HUWE1: variants seen among roughly 807,000 people sequenced by gnomAD.
HUWE1 encodes the protein E3 ubiquitin-protein ligase HUWE1.
In HUWE1, 18 loss-of-function variants were observed where a neutral mutation model predicts 299.4. That is an observed-to-expected ratio of 0.06 (90% CI 0.04 to 0.09). The LOEUF (loss-of-function observed/expected upper bound fraction) is 0.09. Ranked by LOEUF, HUWE1 falls within the 10% of genes least tolerant of loss-of-function variation. The probability of loss-of-function intolerance (pLI) is 1.00; values close to 1 mark genes in which losing one functional copy is unlikely to be tolerated. For missense variants in HUWE1, 1,832 were observed against 3,462.3 expected (o/e 0.53, Z 11.82); for synonymous variants, 1,317 against 1,286.1 (o/e 1.02, Z -0.51).
intron 3 of HUWE1, among the ~76,000 whole-genome samples, chrX:53,656,483 A>G (rs948022932): frequency 4.7e-4 from 47 of 100,948 alleles, no homozygotes; most frequent in Non-Finnish European, 8.1e-4. Context: ...CAGAGCTTGC[A>G]GTGAGCCGAG....
intron 19 of HUWE1, among the ~76,000 whole-genome samples, chrX:53,623,643 A>T (rs2066290338): frequency 8.9e-6 from 1 of 112,023 alleles, no homozygotes; most frequent in Non-Finnish European, 1.9e-5. Flanking sequence ...TAATGTCATA[A>T]GACAAAAAAA....
chrX:53,677,771 T>TC (rs1557051684), intron 3 of HUWE1, among the ~76,000 whole-genome samples: 2 of 111,434 alleles, frequency 1.8e-5, no homozygotes, highest in East Asian at 2.8e-4. Flanking sequence ...GGCAATTATC[T>TC]CTGATATCTA....
rs1557008555 is a variant in HUWE1, at chrX:53,617,461, G to C, written c.1673-15C>G. ...CACTTCAGTAGCTAAAAAAAGATGA[G>C]AAAATATGGAAAACTGAGAGATTCC... On this transcript the variant is annotated splice_polypyrimidine_tract_variant and intron_variant, in intron 19 of 83. Coordinates refer to ENST00000262854, the MANE Select transcript of HUWE1 (RefSeq NM_031407.7). 9.9e-7 allele frequency: 1 copy of C among 1,006,677 alleles called. No individual in the cohort carries two copies. Among genetic ancestry groups the C allele is most frequent in the Admixed American group, 2.4e-5 (1 of 42,482 alleles). 83.0% of individuals were successfully genotyped at this position (1,006,677 alleles called of 1,213,427 possible). A position where few individuals can be genotyped will look rare whatever the true frequency, so the allele number is the denominator to read the frequency against.
At chrX:53,535,229 C>T (rs782098504) in intron 81 of HUWE1, among the ~76,000 whole-genome samples, 155 bp downstream of exon 81, 1 of 112,118 alleles carries the variant, frequency 8.9e-6, no homozygotes, top group South Asian at 3.7e-4. Flanking sequence ...GCCACCGTGC[C>T]CAAAGTTAAG....
In HUWE1 at chrX:53,580,915, C is replaced by A. The variant is rs782751503; in HGVS notation, c.5632G>T (p.Ala1878Ser). Residue 1878 changes from alanine to serine, a missense_variant, in exon 43 of 84, where the codon GCA (alanine) becomes TCA (serine). Ala to Ser is a moderately conservative substitution (Grantham distance 99). Around this residue, in one of 15 missense-constraint regions of HUWE1, gnomAD observed 50 missense variants for 114.9 expected, o/e 0.44. Coordinates refer to ENST00000262854, the MANE Select transcript of HUWE1 (RefSeq NM_031407.7). ...GTGAATATGTCTGGATTGCGGCATG[C>A]GGCTGGCCCAAGGACACGAAGGATG... is the stretch of plus-strand genomic sequence containing the variant. ...NYILRVLGPA[A>S]CRNPDIFTEV... 1.7e-6 allele frequency: 2 copies of A among 1,211,081 alleles called. No individual in the cohort carries two copies. Among genetic ancestry groups the A allele is most frequent in the Non-Finnish European group, 2.2e-6 (2 of 895,075 alleles).
intron 80 of HUWE1, chrX:53,535,875 T>C (rs2061024452): frequency 2.6e-6 from 1 of 381,443 alleles, no homozygotes; most frequent in Non-Finnish European, 4.5e-6. Context: ...ATTTGTACGA[T>C]TTTTCTACAA....
At chrX:53,680,767 C>T (rs2070090445) in intron 2 of HUWE1, 1 of 112,208 alleles carries the variant, frequency 8.9e-6, no homozygotes, top group Admixed American at 9.4e-5. Flanking sequence ...CAATAAGGGT[C>T]AAATTGAAAT....
intron 3 of HUWE1, among the ~76,000 whole-genome samples, chrX:53,674,555 TG>T (rs1474511021): frequency 7.1e-5 from 8 of 112,372 alleles, no homozygotes; most frequent in African/African-American, 2.3e-4. Context: ...TTGATTCATT[TG>T]GGGTACGTTT....
At chrX:53,541,599 A>AC (rs1245903255) in intron 74 of HUWE1, among the ~76,000 whole-genome samples, 2 of 111,623 alleles carry the variant, frequency 1.8e-5, no homozygotes, top group East Asian at 5.6e-4. Context: ...GTGTCAAAAA[A>AC]CAAAAAAGAA....
Position 53,536,097 on chromosome X carries a change from G to C in HUWE1, c.12531+50C>G, listed in dbSNP as rs782606084. The C allele has an allele frequency of 2.7e-5, 22 of 801,946 alleles. No individual in the cohort carries two copies. In the Middle Eastern group the frequency reaches 1.2e-3, roughly 44 times the overall value. The allele number at this position is 801,946 out of a possible 1,213,427, so 66.1% of individuals were successfully genotyped here. A position where few individuals can be genotyped will look rare whatever the true frequency, so the allele number is the denominator to read the frequency against. Reference sequence around the variant, plus strand: ...CTAGTTCTAAGGTGAACCTGGAATGGATCTTCCAGATTGGCTGGGATGTGC... The same window carrying C: ...CTAGTTCTAAGGTGAACCTGGAATGCATCTTCCAGATTGGCTGGGATGTGC... On this transcript the variant is annotated intron_variant, in intron 80 of 83. Coordinates refer to ENST00000262854, the MANE Select transcript of HUWE1 (RefSeq NM_031407.7).
chrX:53,621,512 G>T (rs2066143953), intron 19 of HUWE1, among the ~76,000 whole-genome samples: 1 of 107,034 alleles, frequency 9.3e-6, no homozygotes, highest in Admixed American at 1.0e-4. Context: ...CCTAGATGAT[G>T]ATTTCAGTAC....
At chrX:53,627,917 A>G in intron 15 of HUWE1, 38 bp from the exon 16 acceptor site, 1 of 1,174,588 alleles carries the variant, frequency 8.5e-7, no homozygotes. Flanking sequence ...AATGAACTAT[A>G]AAGACACAAA....
In HUWE1 at chrX:53,536,466, A is replaced by G. The variant is rs781909094; in HGVS notation, c.12339T>C (p.Ile4113=). The G allele has an allele frequency of 3.4e-5, 41 of 1,208,722 alleles. No homozygotes were observed. Among genetic ancestry groups the G allele is most frequent in the Non-Finnish European group, 4.0e-5 (36 of 894,596 alleles). The stretch of plus-strand genomic sequence containing the variant: ...GGTTGTCATATACAGCTTTGGCCAC[A>G]ATGCGTCCGACAAACTTGAAGTAGC... ...HLSYFKFVGR[I]VAKAVYDNRL... is the part of the protein sequence containing the mutation. Residue 4113 remains isoleucine, a synonymous_variant, in exon 79 of 84, where the codon ATT becomes ATC. Transcript: ENST00000262854.
chrX:53,670,153 C>T (rs1557048850), intron 3 of HUWE1, among the ~76,000 whole-genome samples: 2 of 111,607 alleles, frequency 1.8e-5, no homozygotes, highest in Non-Finnish European at 3.8e-5. Context: ...GTAGTAACTA[C>T]GGTTAAAAGG....
rs2064938536 is a variant in HUWE1 at position 53,602,777 on chromosome X, C to A, written c.2877-119G>T. ...CTGACACTATCCCTCCTATAGCAGG[C>A]AGGTTAAACTGAATGTAATAAAGCA... is the stretch of plus-strand genomic sequence containing the variant. On this transcript the variant is annotated intron_variant, in intron 27 of 83. Transcript: ENST00000262854. The A allele has an allele frequency of 1.2e-5, 5 of 405,724 alleles. No homozygotes were observed. The South Asian group carries it at 1.8e-4, about 15-fold the overall frequency. 33.4% of individuals were successfully genotyped at this position (405,724 alleles called of 1,213,427 possible).
rs34675759 is a variant in HUWE1, at chrX:53,535,922, G to GT, written c.12531+224dup. On this transcript the variant is annotated intron_variant, in intron 80 of 83. Transcript: ENST00000262854. ...TGGGAATGAGGAATTATGTACTGGA[G>GT]TTTTTTTTTTTTTTTTTTTTTAATA... 0.28 allele frequency: 42,414 copies of GT among 153,517 alleles called. 5,457 individuals are homozygous for GT. The highest frequency in any genetic ancestry group is 0.32 in the Admixed American group (3,302 of 10,243). 12.7% of individuals were successfully genotyped at this position (153,517 alleles called of 1,213,427 possible).
chrX:53,562,136 T>A lies in HUWE1; in HGVS notation c.7313A>T (p.Glu2438Val). 8.3e-7 allele frequency: 1 copy of A among 1,198,574 alleles called. No homozygotes were observed. The highest frequency in any genetic ancestry group is 1.1e-6 in the Non-Finnish European group (1 of 883,820). Residue 2438 changes from glutamate (E) to valine (V), a missense_variant, in exon 54 of 84, where the codon GAG becomes GTG. Physicochemically the swap from Glu to Val is moderately radical, Grantham distance 121. Around this residue, in one of 15 missense-constraint regions of HUWE1, gnomAD observed 170 missense variants for 335.8 expected, o/e 0.51. Transcript: ENST00000262854. Reference sequence around the variant, plus strand: ...CTGATCATCTTCCTCATCTTCCTCCTCCTCCTCCTCTTCATCCTGACTATC... The same window carrying A: ...CTGATCATCTTCCTCATCTTCCTCCACCTCCTCCTCTTCATCCTGACTATC... ...EDDSQDEEEE[E>V]EEDEEDDQED... is the part of the protein sequence containing the mutation.
At chrX:53,672,272 TTTTTTTTTGAGACAGAGTCTCAC>T (rs1365320462) in intron 3 of HUWE1, among the ~76,000 whole-genome samples, 1 of 107,440 alleles carries the variant, frequency 9.3e-6, no homozygotes, top group African/African-American at 3.4e-5. Flanking sequence ...TACTTTTTTT[TTTTTTTTTGAGACAGAGTCTCAC>T]TCTGTCGCCC....
intron 29 of HUWE1, among the ~76,000 whole-genome samples, chrX:53,598,280 C>T (rs971440401): frequency 3.7e-4 from 41 of 111,521 alleles, no homozygotes; most frequent in African/African-American, 1.1e-3. Flanking sequence ...ATATGGGCAC[C>T]GAAACTAAAG....
Sources: gnomAD v4.1 joint callset for allele counts (sites outside exome capture counted in the v4.1 genomes callset) on GRCh38, gnomAD v4.1.1 for gene constraint, gnomAD v4.1.1 regional missense constraint, MANE v1.5 for transcripts, NCBI Gene and HGNC (gene_info 2026-07-23, HGNC 2026-07-21) for gene names.